CDC37L1: variants seen among roughly 807,000 people sequenced by gnomAD.
CDC37L1 encodes the protein cell division cycle 37 like 1, HSP90 cochaperone, also known as hsp90 co-chaperone Cdc37-like 1.
Under a neutral mutation model 45.9 loss-of-function variants are expected in CDC37L1, and 32 were observed. That is an observed-to-expected ratio of 0.70 (90% CI 0.53 to 0.94). The LOEUF (loss-of-function observed/expected upper bound fraction) is 0.94. Among genes scored for constraint, CDC37L1 ranks in the 40% least tolerant of loss-of-function variants. CDC37L1 has a pLI of 0.00. For synonymous variants in CDC37L1, 150 were observed against 133.0 expected, an observed-to-expected ratio of 1.13 and a Z score of -0.88; for missense variants, 434 against 405.7, an observed-to-expected ratio of 1.07 and a Z score of -0.60.
intron 5 of CDC37L1, 134 bp from the exon 6 acceptor site, chr9:4,701,730 G>C: frequency 1.9e-6 from 1 of 540,324 alleles, no homozygotes; most frequent in Non-Finnish European, 3.2e-6. Context: ...CAGGGATCGT[G>C]GTGGTTTCTA....
At position 4,679,647 on chromosome 9, in the gene CDC37L1, G is replaced by T. The variant is rs1437289764; in HGVS notation, c.-121G>T. On this transcript the variant is annotated 5_prime_UTR_variant, in exon 1 of 7. Transcript: ENST00000381854. ...GTCGCGGCCAGTAGAGGGATTCTGG[G>T]TAACGGCCCGGACCCCCGGCTGGGC... The T allele has an allele frequency of 5.4e-6, 5 of 917,640 alleles. No homozygotes were observed. Among genetic ancestry groups the T allele is most frequent in the Admixed American group, 3.3e-5 (1 of 30,746 alleles). The allele number at this position is 917,640 out of a possible 1,614,324, so 56.8% of individuals were successfully genotyped here.
Position 4,690,456 on chromosome 9 carries a change from G to A in CDC37L1, c.508+1850G>A, listed in dbSNP as rs1241757453. On this transcript the variant is annotated intron_variant, in intron 3 of 6. Transcript: ENST00000381854. ...TCGCTACTAGTAAATTAGGTGTTCA[G>A]TGGCTAAACTGGATTAGGATACTAG... is the stretch of plus-strand genomic sequence containing the variant. Among the ~76,000 whole-genome samples the A allele has an allele frequency of 3.9e-5, 6 of 152,166 alleles. No individual in the cohort carries two copies. The East Asian group carries it at 1.2e-3, about 29-fold the overall frequency.
intron 1 of CDC37L1, among the ~76,000 whole-genome samples, chr9:4,683,867 C>T (rs1330038167): frequency 6.6e-6 from 1 of 152,128 alleles, no homozygotes; most frequent in Non-Finnish European, 1.5e-5. Flanking sequence ...TTTATAGAGC[C>T]AAGGAATATA....
At chr9:4,699,148 T>G (rs536402648) in intron 5 of CDC37L1, among the ~76,000 whole-genome samples, 20 of 152,204 alleles carry the variant, frequency 1.3e-4, no homozygotes, top group Non-Finnish European at 2.4e-4. Context: ...CTTACACATA[T>G]GTACTAGATT....
chr9:4,700,507 T>C (rs1841387270), intron 5 of CDC37L1, among the ~76,000 whole-genome samples: 1 of 152,248 alleles, frequency 6.6e-6, no homozygotes, highest in African/African-American at 2.4e-5. Context: ...CTTTTTATCT[T>C]ACATTAATGG....
intron 1 of CDC37L1, among the ~76,000 whole-genome samples, chr9:4,681,662 C>G (rs1841195320): frequency 6.6e-6 from 1 of 152,030 alleles, no homozygotes; most frequent in South Asian, 2.1e-4. Context: ...TTTTTGCAAA[C>G]TGATTATTAA....
rs1275007458 is a variant in CDC37L1 at position 4,707,296 on chromosome 9, T to G, written c.*1184T>G. 1 of 151,860 alleles carries G rather than the reference T, an allele frequency of 6.6e-6. No individual in the cohort carries two copies. Among genetic ancestry groups the G allele is most frequent in the Non-Finnish European group, 1.5e-5 (1 of 67,984 alleles). The allele number at this position is 151,860 out of a possible 1,614,324, so 9.4% of individuals were successfully genotyped here. A position where few individuals can be genotyped will look rare whatever the true frequency, so the allele number is the denominator to read the frequency against. ...AATTAGGTAACAAAGCCAATTATGCTATCCTTATTATTGAAGGATTAATCT... is the reference window on the plus strand; with the variant it reads ...AATTAGGTAACAAAGCCAATTATGCGATCCTTATTATTGAAGGATTAATCT... On this transcript the variant is annotated 3_prime_UTR_variant, in exon 7 of 7. Coordinates refer to ENST00000381854, the MANE Select transcript of CDC37L1 (RefSeq NM_017913.4).
Position 4,679,868 on chromosome 9 carries a change from G to A in CDC37L1, c.101G>A (p.Arg34His), listed in dbSNP as rs11540755. The change falls in exon 1 of 7, where the codon CGC (arginine) becomes CAC (histidine). Residue 34 changes from arginine (R) to histidine (H), a missense_variant. Arg to His is a conservative substitution (Grantham distance 29). Coordinates refer to ENST00000381854, the MANE Select transcript of CDC37L1 (RefSeq NM_017913.4). The part of the protein sequence containing the change: ...SDFDVFPSSP[R>H]CPQLPGGGAQ... Reference sequence around the variant, plus strand: ...TTCGACGTGTTCCCCAGTTCTCCCCGCTGCCCGCAGCTGCCAGGCGGCGGC... The same window carrying A: ...TTCGACGTGTTCCCCAGTTCTCCCCACTGCCCGCAGCTGCCAGGCGGCGGC... The A allele has an allele frequency of 1.2e-6, 2 of 1,613,826 alleles. No homozygotes were observed. The highest frequency in any genetic ancestry group is 2.2e-5 in the East Asian group (1 of 44,868).
rs1204064408 is a variant in CDC37L1, at chr9:4,701,885, G to C, written c.769G>C (p.Glu257Gln). 1 of 1,593,010 alleles carries C rather than the reference G, an allele frequency of 6.3e-7. No individual in the cohort carries two copies. Among genetic ancestry groups the C allele is most frequent in the Non-Finnish European group, 8.5e-7 (1 of 1,170,492 alleles). The change falls in exon 6 of 7, where the codon GAA (glutamate) becomes CAA (glutamine). Residue 257 changes from glutamate (E) to glutamine (Q), a missense_variant. Transcript: ENST00000381854. ...CTAGGCAGAGGAAGAAGGTTATTTTGAAGCATTCAAAAATGAACTTGAAGC... is the reference window on the plus strand; with the variant it reads ...CTAGGCAGAGGAAGAAGGTTATTTTCAAGCATTCAAAAATGAACTTGAAGC... ...KAKAEEEGYF[E>Q]AFKNELEAFK...
chr9:4,682,566 C>A (rs369909118), intron 1 of CDC37L1, among the ~76,000 whole-genome samples: 2 of 152,050 alleles, frequency 1.3e-5, no homozygotes, highest in African/African-American at 4.8e-5. Context: ...TCCTCGTGAT[C>A]CGCCCGCCTC....
intron 2 of CDC37L1, among the ~76,000 whole-genome samples, chr9:4,686,493 T>C (rs941112713): frequency 1.3e-5 from 2 of 150,128 alleles, no homozygotes; most frequent in African/African-American, 4.8e-5. Flanking sequence ...CCCAAAACTA[T>C]TGAAAATAAT....
At chr9:4,684,707 A>G (rs1395908276) in intron 1 of CDC37L1, among the ~76,000 whole-genome samples, 170 bp from the exon 2 acceptor site, 2 of 152,242 alleles carry the variant, frequency 1.3e-5, no homozygotes, top group African/African-American at 4.8e-5. Context: ...TTTAGAAGTT[A>G]GTTGATGAAA....
chr9:4,692,945 A>G (rs1168765481), intron 3 of CDC37L1, among the ~76,000 whole-genome samples: 1 of 152,186 alleles, frequency 6.6e-6, no homozygotes, highest in Non-Finnish European at 1.5e-5. Context: ...AGAGACAAGT[A>G]TGGGTTTGGT....
chr9:4,696,931 T>C (rs1338191302), intron 3 of CDC37L1, among the ~76,000 whole-genome samples, 165 bp from the exon 4 acceptor site: 2 of 152,228 alleles, frequency 1.3e-5, no homozygotes, highest in African/African-American at 4.8e-5. Flanking sequence ...GTCCCTCACT[T>C]GCTCTTTTAC....
At chr9:4,701,517 G>A (rs1005205747) in intron 5 of CDC37L1, among the ~76,000 whole-genome samples, 1 of 152,156 alleles carries the variant, frequency 6.6e-6, no homozygotes, top group Non-Finnish European at 1.5e-5. Flanking sequence ...AGAATGAATT[G>A]GACAGATTAA....
chr9:4,703,677 A>G (rs1841419584), intron 6 of CDC37L1, among the ~76,000 whole-genome samples: 1 of 152,224 alleles, frequency 6.6e-6, no homozygotes, highest in Non-Finnish European at 1.5e-5. Flanking sequence ...GATTCTAAAT[A>G]TAAGAGGGAA....
At chr9:4,692,531 A>G (rs972724486) in intron 3 of CDC37L1, among the ~76,000 whole-genome samples, 1 of 152,178 alleles carries the variant, frequency 6.6e-6, no homozygotes, top group Non-Finnish European at 1.5e-5. Context: ...CGGCCTCTCA[A>G]AGTGCTGGGA....
intron 4 of CDC37L1, among the ~76,000 whole-genome samples, chr9:4,697,556 A>G (rs1191449681): frequency 6.6e-6 from 1 of 152,016 alleles, no homozygotes; most frequent in Non-Finnish European, 1.5e-5. Flanking sequence ...AGTTCAGAGC[A>G]TGGTCTTCCT....
At chr9:4,685,274 C>A in intron 2 of CDC37L1, 116 bp downstream of exon 2, 1 of 837,650 alleles carries the variant, frequency 1.2e-6, no homozygotes, top group Non-Finnish European at 1.9e-6. Context: ...TCAATTTTGA[C>A]AGTTTATGAA....
Sources: gnomAD v4.1 joint callset for allele counts (sites outside exome capture counted in the v4.1 genomes callset) on GRCh38, gnomAD v4.1.1 for gene constraint, MANE v1.5 for transcripts, NCBI Gene and HGNC (gene_info 2026-07-23, HGNC 2026-07-21) for gene names.